MAML3: variants seen among roughly 807,000 people sequenced by gnomAD.
MAML3 encodes mastermind like transcriptional coactivator 3, also known as mastermind-like protein 3.
Under a neutral mutation model 101.9 loss-of-function variants are expected in MAML3, and 27 were observed. The observed-to-expected ratio is 0.27, with a 90% CI of 0.20 to 0.37. The LOEUF (loss-of-function observed/expected upper bound fraction) is 0.37. Ranked by LOEUF, MAML3 falls within the 10% of genes least tolerant of loss-of-function variation. The probability of loss-of-function intolerance (pLI) is 1.00; values close to 1 mark genes in which losing one functional copy is unlikely to be tolerated. For synonymous variants in MAML3, 501 were observed against 555.9 expected, an observed-to-expected ratio of 0.90 and a Z score of 1.39; for missense variants, 1,316 against 1,444.9, an observed-to-expected ratio of 0.91 and a Z score of 1.45.
chr4:139,796,459 T>C (rs746652491), intron 2 of MAML3, among the ~76,000 whole-genome samples: 1 of 152,190 alleles, frequency 6.6e-6, no homozygotes, highest in Non-Finnish European at 1.5e-5. Flanking sequence ...AGATCCTACA[T>C]GGATTTCAAG....
At chr4:139,975,477 T>C (rs530001054) in intron 1 of MAML3, among the ~76,000 whole-genome samples, 2 of 152,256 alleles carry the variant, frequency 1.3e-5, no homozygotes, top group South Asian at 2.1e-4. Flanking sequence ...TATACCTCCT[T>C]ATCTCCCTTC....
intron 2 of MAML3, among the ~76,000 whole-genome samples, chr4:139,863,387 G>C (rs575175024): frequency 1.1e-5 from 1 of 88,924 alleles, no homozygotes; most frequent in African/African-American, 4.3e-5. Context: ...TTTTGCTCTT[G>C]TTGCCCAGGC....
chr4:140,131,719 T>G (rs1728797467), intron 1 of MAML3, among the ~76,000 whole-genome samples: 1 of 152,192 alleles, frequency 6.6e-6, no homozygotes, highest in African/African-American at 2.4e-5. Flanking sequence ...GCCATCTCCA[T>G]GTCCAAGTTC....
rs1307187740 is a variant in MAML3, at chr4:139,989,874, CACACACACAG to C, written c.469-98917_469-98908del. ...AAACACACACACACACACACACACA[CACACACACAG>C]AGAGAGAGAGAGAGAGAAAGAGAGA... On this transcript the variant is annotated intron_variant, in intron 1 of 4. Transcript: ENST00000509479. Among the ~76,000 whole-genome samples the C allele has an allele frequency of 6.6e-5, 9 of 135,510 alleles. No homozygotes were observed. In the East Asian group the frequency reaches 1.0e-3, roughly 15 times the overall value. The allele number at this position is 135,510 out of a possible 152,430, so 88.9% of individuals were successfully genotyped here. A position where few individuals can be genotyped will look rare whatever the true frequency, so the allele number is the denominator to read the frequency against.
intron 1 of MAML3, among the ~76,000 whole-genome samples, chr4:140,053,799 T>C (rs1727308757): frequency 1.3e-5 from 2 of 152,218 alleles, no homozygotes; most frequent in African/African-American, 4.8e-5. Flanking sequence ...AAAATCTGAA[T>C]TTTGTTCAAC....
In MAML3 at chr4:140,153,406, TA is replaced by T; in HGVS notation, c.-80del. 1 of 1,384,948 alleles carries T rather than the reference TA, an allele frequency of 7.2e-7. No homozygotes were observed. The highest frequency in any genetic ancestry group is 9.4e-7 in the Non-Finnish European group (1 of 1,062,846). 85.8% of individuals were successfully genotyped at this position (1,384,948 alleles called of 1,614,324 possible). On this transcript the variant is annotated 5_prime_UTR_variant, in exon 1 of 5. The change abolishes the stop of an existing upstream ORF in the 5' untranslated region. Transcript: ENST00000509479. ...CAGCCTCCTCCTTGGGTCCAAGGAT[TA>T]AAATAGTTTAAGTGGAACGCGGGGG...
At chr4:139,754,496 C>T (rs1257801745) in intron 2 of MAML3, among the ~76,000 whole-genome samples, 2 of 152,152 alleles carry the variant, frequency 1.3e-5, no homozygotes, top group Non-Finnish European at 2.9e-5. Context: ...AACCAATTGC[C>T]TATTGTTGGA....
rs114710995 is a variant in MAML3 at position 139,868,759 on chromosome 4, T to G, written c.2079+20598A>C. 2.0e-3 allele frequency among the ~76,000 whole-genome samples: 307 copies of G among 152,262 alleles called. 1 individual carries two copies. The Middle Eastern group carries it at 0.02, about 10-fold the overall frequency. On this transcript the variant is annotated intron_variant, in intron 2 of 4. Coordinates refer to ENST00000509479, the MANE Select transcript of MAML3 (RefSeq NM_018717.5). ...GTGGCATTTTGTCTTTATAACTTTG[T>G]GTCAAAAGAAATAGAATGTGAAAAA...
chr4:139,915,172 G>A (rs1360126239), intron 1 of MAML3, among the ~76,000 whole-genome samples: 1 of 152,148 alleles, frequency 6.6e-6, no homozygotes, highest in East Asian at 1.9e-4. Flanking sequence ...CTCTGTTGTT[G>A]GAGGAGCAAG....
chr4:140,026,588 C>T (rs769678413), intron 1 of MAML3, among the ~76,000 whole-genome samples: 14 of 152,136 alleles, frequency 9.2e-5, no homozygotes, highest in Admixed American at 2.6e-4. Context: ...AAAACCTTTA[C>T]GACAGAAAGA....
chr4:140,028,204 A>G (rs1277784074), intron 1 of MAML3, among the ~76,000 whole-genome samples: 4 of 152,170 alleles, frequency 2.6e-5, no homozygotes, highest in African/African-American at 7.2e-5. Context: ...TATTTTTACT[A>G]TACATTAGCA....
chr4:139,856,336 C>A (rs541987177), intron 2 of MAML3, among the ~76,000 whole-genome samples: 2 of 152,286 alleles, frequency 1.3e-5, no homozygotes, highest in Admixed American at 6.5e-5. Flanking sequence ...CAAATGGAGA[C>A]AGAGGAGAGA....
At chr4:139,996,840 C>A (rs2110837364) in intron 1 of MAML3, among the ~76,000 whole-genome samples, 1 of 151,986 alleles carries the variant, frequency 6.6e-6, no homozygotes, top group Non-Finnish European at 1.5e-5. Context: ...GAGGGCGGAT[C>A]ACGAGGTCAC....
intron 1 of MAML3, among the ~76,000 whole-genome samples, chr4:140,037,751 G>C (rs1043120248): frequency 6.6e-6 from 1 of 152,158 alleles, no homozygotes; most frequent in African/African-American, 2.4e-5. Flanking sequence ...TGACCCTAAG[G>C]TACGTGTATT....
In MAML3 at chr4:139,864,695, A is replaced by G. The variant is rs199916352; in HGVS notation, c.2079+24662T>C. Among the ~76,000 whole-genome samples the G allele has an allele frequency of 4.5e-3, 669 of 149,318 alleles. 24 individuals are homozygous for G. In the East Asian group the frequency reaches 0.092, roughly 21 times the overall value. On this transcript the variant is annotated intron_variant, in intron 2 of 4. Coordinates refer to ENST00000509479, the MANE Select transcript of MAML3 (RefSeq NM_018717.5). ...GTCTCAAAAAAAAAAAAAAAAAAAA[A>G]AAAAGAAAAAGAAATCTTGAATGAT...
intron 1 of MAML3, among the ~76,000 whole-genome samples, chr4:139,926,563 G>C (rs1289667739): frequency 6.6e-6 from 1 of 152,174 alleles, no homozygotes; most frequent in Non-Finnish European, 1.5e-5. Context: ...TCGCACCACT[G>C]CACTCCAGCC....
At chr4:140,127,833 A>G (rs1728708385) in intron 1 of MAML3, among the ~76,000 whole-genome samples, 1 of 152,218 alleles carries the variant, frequency 6.6e-6, no homozygotes, top group Non-Finnish European at 1.5e-5. Flanking sequence ...AAAAGCACAG[A>G]GATTTAACCT....
At chr4:140,062,624 A>T (rs1348010850) in intron 1 of MAML3, among the ~76,000 whole-genome samples, 1 of 152,062 alleles carries the variant, frequency 6.6e-6, no homozygotes, top group Non-Finnish European at 1.5e-5. Flanking sequence ...TGTTAGTTCT[A>T]CTCTCTTCTA....
At chr4:139,764,462 G>A (rs1729813687) in intron 2 of MAML3, among the ~76,000 whole-genome samples, 1 of 152,218 alleles carries the variant, frequency 6.6e-6, no homozygotes, top group South Asian at 2.1e-4. Flanking sequence ...TTAGGTCCAA[G>A]AGCCACTGAA....
Sources: gnomAD v4.1 joint callset for allele counts (sites outside exome capture counted in the v4.1 genomes callset) on GRCh38, gnomAD v4.1.1 for gene constraint, MANE v1.5 for transcripts, NCBI Gene and HGNC (gene_info 2026-07-23, HGNC 2026-07-21) for gene names.